Variants in PPP3CA observed in about 807,000 individuals in gnomAD.
The protein encoded by PPP3CA is protein phosphatase 3 catalytic subunit alpha.
PPP3CA carries 14 observed loss-of-function variants against 66.5 expected under a neutral mutation model. The ratio of observed to expected loss-of-function variants is 0.21; its 90% CI spans 0.14 to 0.33. PPP3CA has a LOEUF of 0.33. PPP3CA is among the 10% of genes least tolerant of loss of function. The pLI, the probability that PPP3CA is intolerant of heterozygous loss-of-function variation, is 1.00. For missense variants in PPP3CA, 317 were observed against 639.5 expected, an observed-to-expected ratio of 0.50 and a Z score of 5.44; for synonymous variants, 232 against 226.2, an observed-to-expected ratio of 1.03 and a Z score of -0.23.
intron 1 of PPP3CA, among the ~76,000 whole-genome samples, chr4:101,276,002 C>A (rs1237469944): frequency 2.0e-5 from 3 of 151,786 alleles, no homozygotes; most frequent in African/African-American, 7.3e-5. Flanking sequence ...CCAAGAAATT[C>A]TCCTGCCTCA....
chr4:101,044,396 T>C (rs1727670694), intron 10 of PPP3CA, among the ~76,000 whole-genome samples: 1 of 152,214 alleles, frequency 6.6e-6, no homozygotes, highest in Non-Finnish European at 1.5e-5. Context: ...GGTACTGTTC[T>C]GTTTAAGTTG....
intron 2 of PPP3CA, among the ~76,000 whole-genome samples, chr4:101,177,961 G>T (rs1215120194): frequency 6.6e-6 from 1 of 151,998 alleles, no homozygotes; most frequent in African/African-American, 2.4e-5. Context: ...GAAGGTTTCA[G>T]TGAATATATG....
rs544720685 is a variant in PPP3CA, at chr4:101,340,316, G to GA, written c.58+6422_58+6423insT. Among the ~76,000 whole-genome samples, 592 of 152,232 alleles carry GA rather than the reference G, an allele frequency of 3.9e-3. 3 individuals carry two copies. Among genetic ancestry groups the GA allele is most frequent in the South Asian group, 6.6e-3 (32 of 4,830 alleles). ...ATGGATAAGGAAAACAAAAAGGACA[G>GA]CAAAGTTCTATTCCTCTCTATGATG... On this transcript the variant is annotated intron_variant, in intron 1 of 13. Transcript: ENST00000394854.
At chr4:101,184,236 A>C (rs1353815154) in intron 2 of PPP3CA, among the ~76,000 whole-genome samples, 1 of 152,182 alleles carries the variant, frequency 6.6e-6, no homozygotes, top group Admixed American at 6.5e-5. Context: ...TAACAAGGTG[A>C]TGCTTGTAAG....
In PPP3CA at chr4:101,319,857, C is replaced by T. The variant is rs372500751; in HGVS notation, c.58+26882G>A. 2.2e-4 allele frequency among the ~76,000 whole-genome samples: 34 copies of T among 152,244 alleles called. No individual in the cohort carries two copies. The East Asian group carries it at 5.0e-3, about 22-fold the overall frequency. ...AAGACCCAGCAAAAACTCTTAAGTA[C>T]AATTGGCTTTGTGGTATCATATATT... On this transcript the variant is annotated intron_variant, in intron 1 of 13. Coordinates refer to ENST00000394854, the MANE Select transcript of PPP3CA (RefSeq NM_000944.5).
At chr4:101,181,395 A>G (rs1055550526) in intron 2 of PPP3CA, among the ~76,000 whole-genome samples, 2 of 152,118 alleles carry the variant, frequency 1.3e-5, no homozygotes, top group African/African-American at 4.8e-5. Context: ...AAGGTCTACA[A>G]AGGTAACATA....
At chr4:101,076,307 CAA>C (rs58667608) in intron 8 of PPP3CA, among the ~76,000 whole-genome samples, 48 of 127,226 alleles carry the variant, frequency 3.8e-4, no homozygotes, top group African/African-American at 5.1e-4. Context: ...GTTAATTCTC[CAA>C]AAAAAAAAAA....
intron 2 of PPP3CA, among the ~76,000 whole-genome samples, chr4:101,130,952 T>C (rs931042592): frequency 5.3e-5 from 8 of 152,014 alleles, no homozygotes; most frequent in Middle Eastern, 3.4e-3. Context: ...CTGGGCTGGG[T>C]GTGGTGGCTC....
Position 101,031,026 on chromosome 4 carries a change from A to G in PPP3CA, c.1339+1241T>C, listed in dbSNP as rs1224341769. 3.9e-5 allele frequency among the ~76,000 whole-genome samples: 6 copies of G among 152,004 alleles called. No homozygotes were observed. In the South Asian group the frequency reaches 8.3e-4, roughly 21 times the overall value. ...ATTTAAAGGGGACGTTTACTTCTCA[A>G]TACTATGTATCTTCCTACCTTCATT... is the stretch of plus-strand genomic sequence containing the variant. On this transcript the variant is annotated intron_variant, in intron 12 of 13. Coordinates refer to ENST00000394854, the MANE Select transcript of PPP3CA (RefSeq NM_000944.5).
chr4:101,283,608 G>A (rs2110280673), intron 1 of PPP3CA, among the ~76,000 whole-genome samples: 1 of 152,290 alleles, frequency 6.6e-6, no homozygotes, highest in South Asian at 2.1e-4. Flanking sequence ...TAAGACTGCT[G>A]CCTGGCTCCA....
chr4:101,105,118 G>C (rs962391901), intron 3 of PPP3CA, among the ~76,000 whole-genome samples: 1 of 151,538 alleles, frequency 6.6e-6, no homozygotes, highest in South Asian at 2.1e-4. Flanking sequence ...AAAATCTGCT[G>C]AGGAACAAAT....
chr4:101,250,825 T>C (rs1236045565), intron 1 of PPP3CA, among the ~76,000 whole-genome samples: 2 of 152,068 alleles, frequency 1.3e-5, no homozygotes, highest in South Asian at 2.1e-4. Context: ...TTGATAAATA[T>C]AATAGATTGC....
At chr4:101,210,587 G>A (rs1416263710) in intron 1 of PPP3CA, among the ~76,000 whole-genome samples, 4 of 151,854 alleles carry the variant, frequency 2.6e-5, no homozygotes, top group Non-Finnish European at 5.9e-5. Flanking sequence ...TTACCTCCTT[G>A]GCCACACATC....
Position 101,024,903 on chromosome 4 carries a change from G to A in PPP3CA, c.*962C>T, listed in dbSNP as rs1011747001. On this transcript the variant is annotated 3_prime_UTR_variant, in exon 14 of 14. Coordinates refer to ENST00000394854, the MANE Select transcript of PPP3CA (RefSeq NM_000944.5). The stretch of plus-strand genomic sequence containing the variant: ...AGCGCATTACAGTCCCATACAGGCC[G>A]ATACAGCCATTTTTTTTTTCTTAAA... The A allele has an allele frequency of 8.6e-5, 13 of 151,162 alleles. No individual in the cohort carries two copies. Among genetic ancestry groups the A allele is most frequent in the Non-Finnish European group, 1.6e-4 (11 of 67,876 alleles). The allele number at this position is 151,162 out of a possible 1,614,324, so 9.4% of individuals were successfully genotyped here. A position where few individuals can be genotyped will look rare whatever the true frequency, so the allele number is the denominator to read the frequency against.
intron 2 of PPP3CA, among the ~76,000 whole-genome samples, chr4:101,124,711 A>AAGAG (rs1491305493): frequency 3.1e-5 from 3 of 97,562 alleles, no homozygotes; most frequent in Admixed American, 1.2e-4. Context: ...GAAAGAAAGA[A>AAGAG]AGAAAGAAAG....
At chr4:101,109,143 T>C (rs1721559889) in intron 2 of PPP3CA, 65 bp from the exon 3 acceptor site, 3 of 1,449,332 alleles carry the variant, frequency 2.1e-6, no homozygotes, top group African/African-American at 1.4e-5. Context: ...ATAATAAAAT[T>C]ACAAAATTTT....
chr4:101,144,269 C>A (rs1427921329), intron 2 of PPP3CA, among the ~76,000 whole-genome samples: 1 of 152,084 alleles, frequency 6.6e-6, no homozygotes, highest in Non-Finnish European at 1.5e-5. Context: ...TACTAAATAC[C>A]CTTTGGAATA....
At chr4:101,124,784 A>G (rs1375102828) in intron 2 of PPP3CA, among the ~76,000 whole-genome samples, 1 of 131,470 alleles carries the variant, frequency 7.6e-6, no homozygotes, top group South Asian at 2.6e-4. Flanking sequence ...AGAAAGAAAG[A>G]AAGAAAGAAA....
rs72929334 is a variant in PPP3CA, at chr4:101,095,963, T to C, written c.643-2048A>G. ...CCATGCTTGGCCCAGAAAGAAACAA[T>C]TTTATACTGAACCAGCATCACATCT... On this transcript the variant is annotated intron_variant, in intron 5 of 13. Transcript: ENST00000394854. Among the ~76,000 whole-genome samples the C allele has an allele frequency of 2.8e-3, 425 of 152,216 alleles. 3 individuals are homozygous for C. The highest frequency in any genetic ancestry group is 9.8e-3 in the African/African-American group (409 of 41,550).
Sources: gnomAD v4.1 joint callset for allele counts (sites outside exome capture counted in the v4.1 genomes callset) on GRCh38, gnomAD v4.1.1 for gene constraint, MANE v1.5 for transcripts, NCBI Gene and HGNC (gene_info 2026-07-23, HGNC 2026-07-21) for gene names.